The following ZNF318 variants were observed in gnomAD, a reference collection of about 807,000 sequenced individuals.
The protein encoded by ZNF318 is zinc finger protein 318, also known as endocrine regulator.
In ZNF318, 51 loss-of-function variants were observed where a neutral mutation model predicts 124.2. The ratio of observed to expected loss-of-function variants is 0.41; its 90% CI spans 0.33 to 0.52. The LOEUF (loss-of-function observed/expected upper bound fraction) is 0.52. Among genes scored for constraint, ZNF318 ranks in the 20% least tolerant of loss-of-function variants. The pLI is 0.23. For synonymous variants in ZNF318, 1,090 were observed against 1,040.7 expected (o/e 1.05, Z -0.91); for missense variants, 2,815 against 2,811.2 (o/e 1.00, Z -0.03).
intron 5 of ZNF318, among the ~76,000 whole-genome samples, chr6:43,349,826 G>A (rs139797958): frequency 2.6e-5 from 4 of 152,296 alleles, no homozygotes; most frequent in African/African-American, 9.6e-5. Context: ...GTTCATGCCT[G>A]TAATCCCAGT....
chr6:43,336,930 GATAT>G lies in ZNF318; in HGVS notation c.*224_*227del, dbSNP rs113486749. The G allele has an allele frequency of 3.2e-4, 66 of 204,700 alleles. No individual in the cohort carries two copies. Among genetic ancestry groups the G allele is most frequent in the Middle Eastern group, 2.9e-3 (2 of 694 alleles). 12.7% of individuals were successfully genotyped at this position (204,700 alleles called of 1,614,324 possible). A position where few individuals can be genotyped will look rare whatever the true frequency, so the allele number is the denominator to read the frequency against. ...AAAATTAACAAAATACATTTTTACA[GATAT>G]ATATATATATATATAAGTTGTTATC... On this transcript the variant is annotated 3_prime_UTR_variant, in exon 10 of 10. Transcript: ENST00000361428.
Position 43,365,719 on chromosome 6 carries a change from G to T in ZNF318, c.400-279C>A, listed in dbSNP as rs1255935626. 2.6e-5 allele frequency among the ~76,000 whole-genome samples: 4 copies of T among 152,080 alleles called. No individual in the cohort carries two copies. The South Asian group carries it at 6.2e-4, about 24-fold the overall frequency. ...GGATAGCTTAAGCTTGGGAGGTCAGGGCTGCAGTGAGCCATGACTGCACCA... is the reference window on the plus strand; with the variant it reads ...GGATAGCTTAAGCTTGGGAGGTCAGTGCTGCAGTGAGCCATGACTGCACCA... On this transcript the variant is annotated intron_variant, in intron 1 of 9. Coordinates refer to ENST00000361428, the MANE Select transcript of ZNF318 (RefSeq NM_014345.3).
rs149745410 is a variant in ZNF318 at position 43,357,574 on chromosome 6, A to G, written c.740T>C (p.Leu247Ser). The change falls in exon 3 of 10, where the codon TTG (leucine) becomes TCG (serine). Residue 247 changes from leucine (L) to serine (S), a missense_variant. Around this residue, in one of 4 missense-constraint regions of ZNF318, gnomAD observed 1,377 missense variants for 1,353.5 expected, o/e 1.02. Transcript: ENST00000361428. ...SPHISCHDEL[L>S]RGTERNREKL... ...TTCTCGATTCCGTTCTGTTCCCCGCAACAGCTCATCATGACAACTGATATG... is the reference window on the plus strand; with the variant it reads ...TTCTCGATTCCGTTCTGTTCCCCGCGACAGCTCATCATGACAACTGATATG... 3.1e-6 allele frequency: 5 copies of G among 1,613,998 alleles called. No individual in the cohort carries two copies. In the African/African-American group the frequency reaches 6.7e-5, roughly 22 times the overall value.
chr6:43,349,630 A>G (rs1360341655), intron 5 of ZNF318, among the ~76,000 whole-genome samples: 3 of 152,216 alleles, frequency 2.0e-5, no homozygotes, highest in African/African-American at 7.2e-5. Flanking sequence ...AAACCCAGAC[A>G]GAAGCAATTA....
intron 6 of ZNF318, 96 bp from the exon 7 acceptor site, chr6:43,342,975 C>T (rs1779391667): frequency 2.3e-6 from 2 of 884,212 alleles, no homozygotes; most frequent in African/African-American, 1.7e-5. Flanking sequence ...AGAAATAGGG[C>T]CATATGACCA....
At chr6:43,343,271 T>A (rs1779395800) in intron 6 of ZNF318, among the ~76,000 whole-genome samples, 1 of 152,138 alleles carries the variant, frequency 6.6e-6, no homozygotes, top group African/African-American at 2.4e-5. Context: ...ACTAAACAGT[T>A]AAATTTGAAA....
Position 43,338,770 on chromosome 6 carries a change from G to A in ZNF318, c.5228C>T (p.Ser1743Phe), listed in dbSNP as rs1302743790. 1 of 1,614,110 alleles carries A rather than the reference G, an allele frequency of 6.2e-7. No individual in the cohort carries two copies. The highest frequency in any genetic ancestry group is 8.5e-7 in the Non-Finnish European group (1 of 1,180,028). The change falls in exon 10 of 10, where the codon TCT becomes TTT. Residue 1743 changes from serine to phenylalanine, a missense_variant. This residue lies in a region of ZNF318 where 927 missense variants were observed against 820.6 expected (regional missense o/e 1.13). Coordinates refer to ENST00000361428, the MANE Select transcript of ZNF318 (RefSeq NM_014345.3). ...PQLLDIQCKE[S>F]QKLVEIHLRE... Reference sequence around the variant, plus strand: ...GAGGTGGATTTCTACCAACTTCTGAGATTCTTTGCACTGTATATCTAACAG... The same window carrying A: ...GAGGTGGATTTCTACCAACTTCTGAAATTCTTTGCACTGTATATCTAACAG...
rs1008088551 is a variant in ZNF318 at position 43,365,497 on chromosome 6, A to C, written c.400-57T>G. 9 of 1,549,582 alleles carry C rather than the reference A, an allele frequency of 5.8e-6. No individual in the cohort carries two copies. In the African/African-American group the frequency reaches 1.1e-4, roughly 19 times the overall value. On this transcript the variant is annotated intron_variant, in intron 1 of 9. Coordinates refer to ENST00000361428, the MANE Select transcript of ZNF318 (RefSeq NM_014345.3). ...ATAGGGTCAAGACATCCCTACATCCAAAAACTCTCCTCCCTAGTTACAAAG... is the reference window on the plus strand; with the variant it reads ...ATAGGGTCAAGACATCCCTACATCCCAAAACTCTCCTCCCTAGTTACAAAG...
rs762178882 is a variant in ZNF318 at position 43,355,210 on chromosome 6, G to C, written c.2124C>G (p.Asn708Lys). Residue 708 changes from asparagine to lysine, a missense_variant, in exon 4 of 10, where the codon AAC becomes AAG. Coordinates refer to ENST00000361428, the MANE Select transcript of ZNF318 (RefSeq NM_014345.3). ...SPVDPYLLTK[N>K]SPPFLKSDHP... ...GGTCAGACTTTAGGAATGGAGGGCT[G>C]TTTTTTGTGAGCAGGTAAGGATCCA... 3 of 1,614,238 alleles carry C rather than the reference G, an allele frequency of 1.9e-6. No individual in the cohort carries two copies. Among genetic ancestry groups the C allele is most frequent in the Admixed American group, 1.7e-5 (1 of 60,030 alleles).
rs757750886 is a variant in ZNF318 at position 43,337,287 on chromosome 6, T to G, written c.6711A>C (p.Lys2237Asn). The G allele has an allele frequency of 2.5e-6, 4 of 1,614,080 alleles. No homozygotes were observed. The African/African-American group carries it at 5.3e-5, about 22-fold the overall frequency. Residue 2237 changes from lysine to asparagine, a missense_variant, in exon 10 of 10, where the codon AAA becomes AAC. By Grantham distance (94) the Lys-to-Asn change is moderately conservative. Transcript: ENST00000361428. The stretch of plus-strand genomic sequence containing the variant: ...TTGGAGGGGACCTTGACACTGGAGC[T>G]TTAACCAAATTCAGAGGGTCGCCAC... ...DDSGDPLNLVKAPVSRSPPRE... is the reference protein window; with the variant it reads ...DDSGDPLNLVNAPVSRSPPRE...
In ZNF318 at chr6:43,340,220, T is replaced by G. The variant is rs1484607826; in HGVS notation, c.3778A>C (p.Lys1260Gln). The G allele has an allele frequency of 6.2e-7, 1 of 1,614,240 alleles. No homozygotes were observed. ...GGTGATTCCTTCTTTACCTCTTCTTTTAACTGGAGTTTGATGCCAGTGTTC... is the reference window on the plus strand; with the variant it reads ...GGTGATTCCTTCTTTACCTCTTCTTGTAACTGGAGTTTGATGCCAGTGTTC... Reference protein sequence around the residue: ...KRNTGIKLQLKEEVKKESPTS... With the variant: ...KRNTGIKLQLQEEVKKESPTS... The change falls in exon 10 of 10, where the codon AAA becomes CAA. Residue 1260 changes from lysine to glutamine, a missense_variant. By Grantham distance (53) the Lys-to-Gln change is moderately conservative. Transcript: ENST00000361428.
chr6:43,343,905 T>G (rs114158794), intron 6 of ZNF318, among the ~76,000 whole-genome samples: 2,693 of 151,972 alleles, frequency 0.018, 30 homozygotes, highest in Non-Finnish European at 0.03. Context: ...CTTCTTAATA[T>G]TAAAGTTATC....
intron 5 of ZNF318, 137 bp from the exon 6 acceptor site, chr6:43,348,762 G>GAGCCACCACGCCTA: frequency 2.0e-6 from 2 of 1,022,322 alleles, no homozygotes; most frequent in Non-Finnish European, 2.8e-6. Flanking sequence ...GGCTAGGCGT[G>GAGCCACCACGCCTA]GTGGCTCATG....
At chr6:43,365,587 C>CA (rs1287335635) in intron 1 of ZNF318, 147 bp from the exon 2 acceptor site, 5 of 707,110 alleles carry the variant, frequency 7.1e-6, no homozygotes, top group African/African-American at 1.8e-5. Context: ...TGTATAGGCC[C>CA]AGGCAAGAAT....
intron 4 of ZNF318, among the ~76,000 whole-genome samples, chr6:43,354,170 A>G (rs1409957589): frequency 6.6e-6 from 1 of 152,132 alleles, no homozygotes; most frequent in Non-Finnish European, 1.5e-5. Context: ...TTACTCCTGG[A>G]CTCTAAGATA....
intron 1 of ZNF318, among the ~76,000 whole-genome samples, chr6:43,366,995 G>A (rs1242169867): frequency 2.6e-5 from 4 of 152,094 alleles, no homozygotes; most frequent in Non-Finnish European, 5.9e-5. Flanking sequence ...GGGACTACAG[G>A]TGCCCGCCAC....
chr6:43,341,176 G>A (rs1466954000), intron 8 of ZNF318, among the ~76,000 whole-genome samples: 1 of 152,102 alleles, frequency 6.6e-6, no homozygotes, highest in Non-Finnish European at 1.5e-5. Flanking sequence ...AATTCCTGTT[G>A]CTGAGTCTCC....
rs115982685 is a variant in ZNF318, at chr6:43,362,515, C to T, written c.548+2777G>A. Among the ~76,000 whole-genome samples the T allele has an allele frequency of 9.4e-3, 1,066 of 113,366 alleles. 13 individuals are homozygous for T. The highest frequency in any genetic ancestry group is 0.032 in the African/African-American group (939 of 29,704). The allele number at this position is 113,366 out of a possible 152,430, so 74.4% of individuals were successfully genotyped here. ...TTTAAAAAATAAACATCTACATACA[C>T]GTCTTTTTTTTTTTTTTTTTTTTTT... On this transcript the variant is annotated intron_variant, in intron 2 of 9. Transcript: ENST00000361428.
rs199980024 is a variant in ZNF318 at position 43,337,743 on chromosome 6, T to C, written c.6255A>G (p.Thr2085=). 6.2e-7 allele frequency: 1 copy of C among 1,614,056 alleles called. No individual in the cohort carries two copies. Among genetic ancestry groups the C allele is most frequent in the Non-Finnish European group, 8.5e-7 (1 of 1,180,032 alleles). ...GATTAGGTGAGTTTCGTTCACCCTC[T>C]GTCTCAAAGTCAAGCACCAAGGTTT... ...SPKTLVLDFE[T]EGERNSPNPR... is the part of the protein sequence containing the mutation. The change falls in exon 10 of 10, where the codon ACA becomes ACG. Residue 2085 remains threonine, a synonymous_variant. Coordinates refer to ENST00000361428, the MANE Select transcript of ZNF318 (RefSeq NM_014345.3).
Sources: allele counts gnomAD v4.1 joint callset (sites outside exome capture counted in the v4.1 genomes callset), GRCh38; gene constraint gnomAD v4.1.1; regional missense constraint gnomAD v4.1.1; transcripts MANE v1.5; gene names NCBI Gene and HGNC (gene_info 2026-07-23, HGNC 2026-07-21).